The following VIPR2 variants were observed in gnomAD, a reference collection of about 807,000 sequenced individuals.
The protein encoded by VIPR2 is vasoactive intestinal peptide receptor 2, also known as vasoactive intestinal polypeptide receptor 2.
A neutral mutation model predicts 58.0 loss-of-function variants in VIPR2; 48 were observed. That is an observed-to-expected ratio of 0.83 (90% CI 0.66 to 1.05). VIPR2 has a LOEUF of 1.05. Ranked by LOEUF, VIPR2 falls within the 50% of genes least tolerant of loss-of-function variation. The pLI, the probability that VIPR2 is intolerant of heterozygous loss-of-function variation, is 0.00. For synonymous variants in VIPR2, 243 were observed against 235.2 expected (o/e 1.03, Z -0.30); for missense variants, 534 against 558.0 (o/e 0.96, Z 0.43).
intron 4 of VIPR2, among the ~76,000 whole-genome samples, chr7:159,074,147 G>A (rs1291595213): frequency 2.0e-5 from 3 of 152,152 alleles, no homozygotes; most frequent in Non-Finnish European, 4.4e-5. Flanking sequence ...ATCAAGAGAA[G>A]TCAACAGAAA....
chr7:159,095,074 G>A lies in VIPR2; in HGVS notation c.357+8683C>T, dbSNP rs1301911969. Among the ~76,000 whole-genome samples, 1 of 152,196 alleles carries A rather than the reference G, an allele frequency of 6.6e-6. No homozygotes were observed. Among genetic ancestry groups the A allele is most frequent in the Non-Finnish European group, 1.5e-5 (1 of 68,046 alleles). On this transcript the variant is annotated intron_variant, in intron 4 of 12. Coordinates refer to ENST00000262178, the MANE Select transcript of VIPR2 (RefSeq NM_003382.5). This position sits in a 1 kb window ranked among gnomAD's most constrained non-coding sequence, Gnocchi z 5.2. ...GGGCTGAGGTCTCTGAGGGCATCAC[G>A]GCCACAAAGATGGAGAGGGGCTAGG...
intron 4 of VIPR2, among the ~76,000 whole-genome samples, chr7:159,066,688 G>C (rs968797110): frequency 1.3e-5 from 2 of 152,234 alleles, no homozygotes; most frequent in Non-Finnish European, 2.9e-5. Context: ...GCAAGAACTA[G>C]AGCTCAGTGA....
chr7:159,033,482 C>A (rs1011021933), intron 10 of VIPR2, among the ~76,000 whole-genome samples: 1 of 152,022 alleles, frequency 6.6e-6, no homozygotes, highest in Non-Finnish European at 1.5e-5. Context: ...TGGTTTTTAC[C>A]TTTTTAAAAA....
intron 4 of VIPR2, among the ~76,000 whole-genome samples, chr7:159,080,955 A>G (rs1856870981): frequency 6.6e-6 from 1 of 152,226 alleles, no homozygotes; most frequent in Admixed American, 6.5e-5. Context: ...CCACTGCTCA[A>G]TGAAATAAAA....
At chr7:159,142,351 AAG>A in intron 2 of VIPR2, 93 bp downstream of exon 2, 1 of 671,090 alleles carries the variant, frequency 1.5e-6, no homozygotes, top group Non-Finnish European at 2.3e-6. Flanking sequence ...TTTTTTTTTT[AAG>A]ATGCAGGTGG....
chr7:159,073,843 GCTGT>G (rs1856519101), intron 4 of VIPR2, among the ~76,000 whole-genome samples: 2 of 152,194 alleles, frequency 1.3e-5, no homozygotes, highest in Admixed American at 1.3e-4. Context: ...GGGCTGTGGA[GCTGT>G]CTGTCCATCT....
At chr7:159,071,479 C>T (rs535617908) in intron 4 of VIPR2, among the ~76,000 whole-genome samples, 3 of 152,214 alleles carry the variant, frequency 2.0e-5, no homozygotes, top group Admixed American at 6.5e-5. Context: ...ATGGGCATCG[C>T]GTTCTGTTCT....
At chr7:159,144,687 G>A (rs1293545255) in intron 1 of VIPR2, 34 bp downstream of exon 1, 2 of 1,336,978 alleles carry the variant, frequency 1.5e-6, no homozygotes, top group South Asian at 2.0e-5. Context: ...CCGGGTCCGA[G>A]GCGCCGTGGG....
At chr7:159,062,032 G>A (rs3812302) in intron 4 of VIPR2, among the ~76,000 whole-genome samples, 2,942 of 152,178 alleles carry the variant, frequency 0.019, 96 homozygotes, top group African/African-American at 0.065. Flanking sequence ...GCCCCATCCC[G>A]AGGGCCCTGC....
intron 4 of VIPR2, among the ~76,000 whole-genome samples, chr7:159,101,126 T>C (rs1858196100): frequency 6.9e-6 from 1 of 144,398 alleles, no homozygotes; most frequent in Non-Finnish European, 1.5e-5. Context: ...CGACTGTTCC[T>C]GTGGTAGTGA....
chr7:159,131,120 G>C (rs796962600), intron 2 of VIPR2, among the ~76,000 whole-genome samples: 3 of 152,304 alleles, frequency 2.0e-5, no homozygotes, highest in African/African-American at 7.2e-5. Flanking sequence ...AGTGGAACGA[G>C]GAGGGGTCAT....
chr7:159,084,706 C>T (rs553986175), intron 4 of VIPR2, among the ~76,000 whole-genome samples: 1 of 152,294 alleles, frequency 6.6e-6, no homozygotes, highest in East Asian at 1.9e-4. Context: ...TGTTGGGGGG[C>T]CTCTGCCTGG....
At chr7:159,080,570 C>T (rs2129494875) in intron 4 of VIPR2, among the ~76,000 whole-genome samples, 1 of 152,254 alleles carries the variant, frequency 6.6e-6, no homozygotes, top group South Asian at 2.1e-4. Context: ...GACAGGGATG[C>T]CCTCTCTCAC....
Position 159,131,655 on chromosome 7 carries a change from A to AT in VIPR2, c.151+10790dup, listed in dbSNP as rs1796918970. On this transcript the variant is annotated intron_variant, in intron 2 of 12. Coordinates refer to ENST00000262178, the MANE Select transcript of VIPR2 (RefSeq NM_003382.5). ...AGTCACAGGTGTGTCTGTGACTCACATTTTTTCTGAATCTGCTGTAAGACT... is the reference window on the plus strand; with the variant it reads ...AGTCACAGGTGTGTCTGTGACTCACATTTTTTTCTGAATCTGCTGTAAGACT... Among the ~76,000 whole-genome samples, 7 of 152,236 alleles carry AT rather than the reference A, an allele frequency of 4.6e-5. 1 individual carries two copies. The East Asian group carries it at 1.4e-3, about 29-fold the overall frequency.
chr7:159,078,152 A>G (rs981537411), intron 4 of VIPR2, among the ~76,000 whole-genome samples: 4 of 152,224 alleles, frequency 2.6e-5, no homozygotes, highest in African/African-American at 4.8e-5. Context: ...GCAAATCAGG[A>G]AAATTGTTCA....
intron 4 of VIPR2, among the ~76,000 whole-genome samples, chr7:159,101,907 GACGAGGCGGTTCCA>G (rs1858287609): frequency 8.5e-6 from 1 of 118,198 alleles, no homozygotes. Context: ...CACGAGATCC[GACGAGGCGGTTCCA>G]ACTGTTCCTG....
chr7:159,120,943 G>A (rs959496208), intron 2 of VIPR2, among the ~76,000 whole-genome samples: 13 of 152,174 alleles, frequency 8.5e-5, no homozygotes, highest in African/African-American at 2.4e-4. Context: ...AACAGGGGCC[G>A]TCCAGCCCTA....
chr7:159,091,653 G>A (rs1473095032), intron 4 of VIPR2, among the ~76,000 whole-genome samples: 1 of 152,198 alleles, frequency 6.6e-6, no homozygotes, highest in Non-Finnish European at 1.5e-5. Flanking sequence ...GGAACGAGGG[G>A]CCATGAGACC....
At chr7:159,120,818 G>T (rs1162838114) in intron 2 of VIPR2, among the ~76,000 whole-genome samples, 1 of 152,184 alleles carries the variant, frequency 6.6e-6, no homozygotes, top group East Asian at 1.9e-4. Flanking sequence ...TCTGTCCCTA[G>T]TATTTCTGTC....
Sources: allele counts gnomAD v4.1 joint callset (sites outside exome capture counted in the v4.1 genomes callset), GRCh38; gene constraint gnomAD v4.1.1; non-coding constraint Gnocchi (gnomAD v3.1); transcripts MANE v1.5; gene names NCBI Gene and HGNC (gene_info 2026-07-23, HGNC 2026-07-21).